Variants in DOP1B observed in about 807,000 individuals in gnomAD.
The protein encoded by DOP1B is DOP1 leucine zipper like protein B.
In DOP1B, 174 loss-of-function variants were observed where a neutral mutation model predicts 233.5. The observed-to-expected ratio is 0.75, with a 90% CI of 0.66 to 0.85. The LOEUF is 0.85. DOP1B is among the 40% of genes least tolerant of loss of function. The pLI, the probability that DOP1B is intolerant of heterozygous loss-of-function variation, is 0.00. For synonymous variants in DOP1B, 1,190 were observed against 1,185.6 expected, an observed-to-expected ratio of 1.00 and a Z score of -0.08; for missense variants, 2,652 against 2,846.6, an observed-to-expected ratio of 0.93 and a Z score of 1.56.
chr21:36,174,843 C>G (rs992812645), intron 2 of DOP1B, among the ~76,000 whole-genome samples: 2 of 152,156 alleles, frequency 1.3e-5, no homozygotes, highest in African/African-American at 4.8e-5. Context: ...CTCCTCTTCC[C>G]TGTTGACTAG....
chr21:36,192,079 C>T (rs1211341283), intron 2 of DOP1B, among the ~76,000 whole-genome samples: 1 of 151,832 alleles, frequency 6.6e-6, no homozygotes, highest in African/African-American at 2.4e-5. Flanking sequence ...TCATTCTTGG[C>T]TGGGCATGGT....
At chr21:36,160,131 AAATAAT>A (rs1555884851) in intron 1 of DOP1B, among the ~76,000 whole-genome samples, 24 of 66,526 alleles carry the variant, frequency 3.6e-4, no homozygotes, top group South Asian at 1.2e-3. Flanking sequence ...TTTCTGGAAA[AAATAAT>A]AATAATAATA....
At chr21:36,183,866 C>CT (rs869202145) in intron 2 of DOP1B, among the ~76,000 whole-genome samples, 5,546 of 137,410 alleles carry the variant, frequency 0.04, 279 homozygotes, top group African/African-American at 0.12. Flanking sequence ...TACATGGTTT[C>CT]TTTTTTTTTT....
chr21:36,253,958 A>G, intron 23 of DOP1B, 49 bp downstream of exon 23: 1 of 1,591,118 alleles, frequency 6.3e-7, no homozygotes, highest in Non-Finnish European at 8.6e-7. Context: ...AGTGGGTGGC[A>G]TTTGTCATAA....
At chr21:36,169,843 T>G in intron 2 of DOP1B, 1 of 916,774 alleles carries the variant, frequency 1.1e-6, no homozygotes, top group Non-Finnish European at 1.8e-6. Flanking sequence ...CCTTTTGCAC[T>G]CATCGTTGAT....
rs750712841 is a variant in DOP1B, at chr21:36,288,168, A to G, written c.6297+18A>G. 2 of 1,597,196 alleles carry G rather than the reference A, an allele frequency of 1.3e-6. No homozygotes were observed. The highest frequency in any genetic ancestry group is 1.1e-5 in the South Asian group (1 of 87,136). ...CTGAATTGGTGAGTACAAGTATTGT[A>G]AGTTTGAAAGCAAGGTTGGAGCTTT... On this transcript the variant is annotated intron_variant, in intron 33 of 36. Transcript: ENST00000691173.
rs185509529 is a variant in DOP1B at position 36,266,280 on chromosome 21, G to A, written c.5487+2466G>A. Among the ~76,000 whole-genome samples the A allele has an allele frequency of 3.2e-3, 489 of 152,262 alleles. 2 individuals carry two copies. Among genetic ancestry groups the A allele is most frequent in the African/African-American group, 0.011 (446 of 41,556 alleles). ...CAACCTCCGCCTCCCAGGTTCAAGC[G>A]ATTCTCTTGCCTCAGCCTCCCGAGT... On this transcript the variant is annotated intron_variant, in intron 26 of 36. Transcript: ENST00000691173.
chr21:36,259,483 C>T (rs571570403), intron 23 of DOP1B, among the ~76,000 whole-genome samples: 3 of 151,332 alleles, frequency 2.0e-5, no homozygotes, highest in African/African-American at 4.9e-5. Flanking sequence ...ATGTTGGCCA[C>T]GCTGGTCTTG....
intron 26 of DOP1B, among the ~76,000 whole-genome samples, chr21:36,266,922 T>C (rs2067236995): frequency 6.6e-6 from 1 of 152,176 alleles, no homozygotes; most frequent in Non-Finnish European, 1.5e-5. Context: ...AAGCCCCTAA[T>C]CCCTTTTCCT....
chr21:36,280,395 C>T (rs748360975), intron 31 of DOP1B, 49 bp downstream of exon 31: 1 of 1,330,266 alleles, frequency 7.5e-7, no homozygotes, highest in South Asian at 1.2e-5. Context: ...AGGATCAATG[C>T]CAATATAACC....
chr21:36,168,369 G>A (rs1261599647), intron 2 of DOP1B, among the ~76,000 whole-genome samples: 2 of 151,912 alleles, frequency 1.3e-5, no homozygotes, highest in Non-Finnish European at 2.9e-5. Flanking sequence ...TCAATTCTTT[G>A]GGGTGCATAC....
At chr21:36,227,407 C>A (rs374190763) in intron 12 of DOP1B, among the ~76,000 whole-genome samples, 1 of 141,214 alleles carries the variant, frequency 7.1e-6, no homozygotes, top group African/African-American at 2.7e-5. Flanking sequence ...ATTAGCCGGG[C>A]GTGGTGGTGG....
chr21:36,236,777 CTT>C (rs35374710), intron 15 of DOP1B, among the ~76,000 whole-genome samples: 2 of 118,554 alleles, frequency 1.7e-5, no homozygotes, highest in Non-Finnish European at 3.3e-5. Context: ...TTTTCTTTTT[CTT>C]TTTTTTTTTT....
In DOP1B at chr21:36,245,757, C is replaced by G. The variant is rs745784845; in HGVS notation, c.3777C>G (p.Ile1259Met). The change falls in exon 19 of 37, where the codon ATC becomes ATG. Residue 1259 changes from isoleucine to methionine, a missense_variant. Physicochemically the swap from Ile to Met is conservative, Grantham distance 10. This residue lies in a region of DOP1B where 2,617 missense variants were observed against 2,794.3 expected (regional missense o/e 0.94). Transcript: ENST00000691173. This position sits in a 1 kb window ranked among gnomAD's most constrained non-coding sequence, Gnocchi z 5.5. ...TCAAAACCAACCCTAAGGAATTCAT[C>G]GAGGCTGTGTCCAGGACTAGCATGG... ...AVLKTNPKEFIEAVSRTSMDT... is the reference protein window; with the variant it reads ...AVLKTNPKEFMEAVSRTSMDT... The G allele has an allele frequency of 6.2e-7, 1 of 1,613,862 alleles. No homozygotes were observed. Among genetic ancestry groups the G allele is most frequent in the Non-Finnish European group, 8.5e-7 (1 of 1,179,998 alleles).
At chr21:36,261,931 G>A (rs2067176702) in intron 24 of DOP1B, 2 of 981,612 alleles carry the variant, frequency 2.0e-6, no homozygotes, top group Admixed American at 6.2e-5. Flanking sequence ...AAAAATGGGG[G>A]TGGGAAGGGT....
At chr21:36,264,567 G>A (rs1245979466) in intron 26 of DOP1B, among the ~76,000 whole-genome samples, 1 of 151,866 alleles carries the variant, frequency 6.6e-6, no homozygotes, top group African/African-American at 2.4e-5. Context: ...TCCACCTCTG[G>A]GGTTCAAGCG....
At chr21:36,177,673 G>A (rs1209119858) in intron 2 of DOP1B, among the ~76,000 whole-genome samples, 2 of 152,148 alleles carry the variant, frequency 1.3e-5, no homozygotes, top group Non-Finnish European at 2.9e-5. Flanking sequence ...TGAGGAACTG[G>A]TAGCTAAATA....
At position 36,254,037 on chromosome 21, in the gene DOP1B, G is replaced by A. The variant is rs571744723; in HGVS notation, c.5259+128G>A. 89 of 1,238,208 alleles carry A rather than the reference G, an allele frequency of 7.2e-5. No homozygotes were observed. In the African/African-American group the frequency reaches 1.0e-3, roughly 15 times the overall value. 76.7% of individuals were successfully genotyped at this position (1,238,208 alleles called of 1,614,324 possible). ...ACAAGAGCTAGTGGGAATGCTTGGGGTAGTGAAGTGGAGGTGCTGTTTGCT... is the reference window on the plus strand; with the variant it reads ...ACAAGAGCTAGTGGGAATGCTTGGGATAGTGAAGTGGAGGTGCTGTTTGCT... On this transcript the variant is annotated intron_variant, in intron 23 of 36. Coordinates refer to ENST00000691173, the MANE Select transcript of DOP1B (RefSeq NM_001320714.2).
intron 17 of DOP1B, 105 bp downstream of exon 17, chr21:36,238,806 A>G (rs1689119598): frequency 9.0e-7 from 1 of 1,111,968 alleles, no homozygotes; most frequent in South Asian, 1.3e-5. Context: ...TGCAGTTGAA[A>G]ACATGAACCC....
Sources: allele counts gnomAD v4.1 joint callset (sites outside exome capture counted in the v4.1 genomes callset), GRCh38; gene constraint gnomAD v4.1.1; regional missense constraint gnomAD v4.1.1; non-coding constraint Gnocchi (gnomAD v3.1); transcripts MANE v1.5; gene names NCBI Gene and HGNC (gene_info 2026-07-23, HGNC 2026-07-21).